DHX57: variants seen among roughly 807,000 people sequenced by gnomAD.
DHX57 encodes the protein putative ATP-dependent RNA helicase DHX57.
DHX57 carries 105 observed loss-of-function variants against 156.2 expected under a neutral mutation model. That is an observed-to-expected ratio of 0.67 (90% CI 0.57 to 0.79). DHX57 has a LOEUF of 0.79. Ranked by LOEUF, DHX57 falls within the 30% of genes least tolerant of loss-of-function variation. The pLI is 0.00. For synonymous variants in DHX57, 704 were observed against 595.6 expected (o/e 1.18, Z -2.65); for missense variants, 1,847 against 1,661.9 (o/e 1.11, Z -1.94).
In DHX57 at chr2:38,819,085, T is replaced by G; in HGVS notation, c.3351A>C (p.Ala1117=). The change falls in exon 18 of 24, where the codon GCA becomes GCC. Residue 1117 remains alanine, a synonymous_variant. Transcript: ENST00000457308. The part of the protein sequence containing the change: ...ANQKKLEFAF[A]NSDYLALLQA... The stretch of plus-strand genomic sequence containing the variant: ...GTAGAAGGGCCAGATAATCACTGTT[T>G]GCGAATGCAAATTCCAGCTTTTTCT... The G allele has an allele frequency of 2.5e-6, 4 of 1,614,238 alleles. No individual in the cohort carries two copies. The highest frequency in any genetic ancestry group is 8.5e-7 in the Non-Finnish European group (1 of 1,180,032).
rs1251806938 is a variant in DHX57, at chr2:38,826,594, G to A, written c.2735C>T (p.Ser912Phe). 1.9e-6 allele frequency: 3 copies of A among 1,614,132 alleles called. No homozygotes were observed. The highest frequency in any genetic ancestry group is 2.5e-6 in the Non-Finnish European group (3 of 1,180,018). The change falls in exon 15 of 24, where the codon TCC becomes TTC. Residue 912 changes from serine to phenylalanine, a missense_variant. Ser to Phe is a radical substitution (Grantham distance 155, BLOSUM62 -2). Coordinates refer to ENST00000457308, the MANE Select transcript of DHX57 (RefSeq NM_198963.3). ...TATGGATGTCTCAGCAATGTTGGTG[G>A]AAATTATAATCTTAGTTACTCCTGC... ...PPAGVTKIII[S>F]TNIAETSITI...
chr2:38,870,040 C>T (rs1328234907), intron 1 of DHX57, among the ~76,000 whole-genome samples: 1 of 152,122 alleles, frequency 6.6e-6, no homozygotes, highest in African/African-American at 2.4e-5. Context: ...AATGGGAATT[C>T]TGGAGTTGAA....
chr2:38,810,638 C>G, intron 21 of DHX57: 1 of 658,728 alleles, frequency 1.5e-6, no homozygotes, highest in Non-Finnish European at 2.8e-6. Flanking sequence ...TGCACTTTCC[C>G]TTCCACTCGG....
chr2:38,809,395 G>A (rs185210339), intron 21 of DHX57, among the ~76,000 whole-genome samples: 44 of 151,396 alleles, frequency 2.9e-4, no homozygotes, highest in Admixed American at 5.3e-4. Context: ...AAAGTGCCAC[G>A]AGCCACTATG....
chr2:38,818,821 C>G, intron 19 of DHX57, 56 bp downstream of exon 19: 3 of 1,581,662 alleles, frequency 1.9e-6, no homozygotes, highest in South Asian at 1.1e-5. Context: ...GTCGCAGCAC[C>G]CTCTGGTGAG....
rs867377189 is a variant in DHX57, at chr2:38,873,081, A to G, written c.-7+2706T>C. 4.3e-4 allele frequency among the ~76,000 whole-genome samples: 66 copies of G among 151,990 alleles called. 1 individual carries two copies. Among genetic ancestry groups the G allele is most frequent in the South Asian group, 1.5e-3 (7 of 4,798 alleles). On this transcript the variant is annotated intron_variant, in intron 1 of 23. Transcript: ENST00000457308. ...TGGCTCACAGCAACCTCCGCCTCCCAGGTTCAAGCGATTCTCCTGCCTCAG... is the reference window on the plus strand; with the variant it reads ...TGGCTCACAGCAACCTCCGCCTCCCGGGTTCAAGCGATTCTCCTGCCTCAG...
At chr2:38,803,454 C>T (rs1276564170) in intron 22 of DHX57, among the ~76,000 whole-genome samples, 1 of 151,806 alleles carries the variant, frequency 6.6e-6, no homozygotes, top group Admixed American at 6.6e-5. Context: ...TTACAAAATG[C>T]CTTGACATAT....
At chr2:38,866,942 T>C (rs754125424) in intron 2 of DHX57, among the ~76,000 whole-genome samples, 2 of 152,208 alleles carry the variant, frequency 1.3e-5, no homozygotes, top group African/African-American at 2.4e-5. Flanking sequence ...TCCCTAGGCC[T>C]TCACATTCAC....
intron 8 of DHX57, 42 bp from the exon 9 acceptor site, chr2:38,854,220 C>CA (rs773146037): frequency 1.3e-6 from 2 of 1,578,896 alleles, no homozygotes; most frequent in Non-Finnish European, 1.7e-6. Context: ...ATAAAATTTT[C>CA]AAAAAAAGGA....
chr2:38,798,327 G>A lies in DHX57; in HGVS notation c.4133C>T (p.Thr1378Ile). The A allele has an allele frequency of 1.2e-6, 2 of 1,613,808 alleles. No individual in the cohort carries two copies. The highest frequency in any genetic ancestry group is 1.7e-6 in the Non-Finnish European group (2 of 1,179,930). The stretch of plus-strand genomic sequence containing the variant: ...TTGTGTGGTGACAAGTTTCACAATT[G>A]TGCTGATGATCCGGGATCCTCGAGG... ...TCPRGSRIIS[T>I]IVKLVTTQ Residue 1378 changes from threonine (T) to isoleucine (I), a missense_variant, in exon 24 of 24, where the codon ACA becomes ATA. By Grantham distance (89) the Thr-to-Ile change is moderately conservative. Transcript: ENST00000457308.
chr2:38,819,767 C>G (rs1166696812), intron 17 of DHX57, among the ~76,000 whole-genome samples: 1 of 152,194 alleles, frequency 6.6e-6, no homozygotes, highest in East Asian at 1.9e-4. Flanking sequence ...CTTTATTTTA[C>G]AGATTCTTAT....
At chr2:38,815,945 T>C (rs1670524833) in intron 19 of DHX57, 1 of 426,662 alleles carries the variant, frequency 2.3e-6, no homozygotes, top group African/African-American at 2.0e-5. Flanking sequence ...TCTCATTGGA[T>C]TTTGGGTAGG....
chr2:38,810,386 G>C (rs1046387484), intron 21 of DHX57: 2 of 496,742 alleles, frequency 4.0e-6, no homozygotes, highest in Non-Finnish European at 7.9e-6. Flanking sequence ...GCCTGTACTT[G>C]GGGAATCTGC....
rs754635410 is a variant in DHX57, at chr2:38,854,995, A to C, written c.1905+62T>G. ...TTGCCCATGAATCTCCTAACCCCCAAAACTTTTTATACCTAAAAACCATAA... is the reference window on the plus strand; with the variant it reads ...TTGCCCATGAATCTCCTAACCCCCACAACTTTTTATACCTAAAAACCATAA... On this transcript the variant is annotated intron_variant, in intron 8 of 23. Transcript: ENST00000457308. 3 of 1,604,382 alleles carry C rather than the reference A, an allele frequency of 1.9e-6. No individual in the cohort carries two copies. In the Admixed American group the frequency reaches 5.0e-5, roughly 27 times the overall value.
intron 11 of DHX57, among the ~76,000 whole-genome samples, chr2:38,844,275 T>C (rs996717576): frequency 2.0e-5 from 3 of 152,186 alleles, no homozygotes; most frequent in African/African-American, 7.2e-5. Flanking sequence ...CAACACACTA[T>C]ACTGTAAGAC....
chr2:38,812,197 T>C (rs908812046), intron 21 of DHX57, among the ~76,000 whole-genome samples: 1 of 152,202 alleles, frequency 6.6e-6, no homozygotes, highest in African/African-American at 2.4e-5. Flanking sequence ...GAGTATAATA[T>C]AAAAACCAGT....
intron 23 of DHX57, among the ~76,000 whole-genome samples, chr2:38,801,452 C>G (rs553278267): frequency 6.6e-6 from 1 of 152,330 alleles, no homozygotes; most frequent in Non-Finnish European, 1.5e-5. Context: ...TTCTGTCACC[C>G]AGGCTGAAGT....
At chr2:38,826,474 G>A in intron 15 of DHX57, 42 bp downstream of exon 15, 11 of 1,596,246 alleles carry the variant, frequency 6.9e-6, no homozygotes, top group Non-Finnish European at 9.4e-6. Flanking sequence ...CCTAAATGAA[G>A]CATTTTTAGC....
At chr2:38,841,202 A>G (rs1671974245) in intron 12 of DHX57, among the ~76,000 whole-genome samples, 1 of 152,226 alleles carries the variant, frequency 6.6e-6, no homozygotes, top group Non-Finnish European at 1.5e-5. Context: ...CAAAAAGCAC[A>G]CAAATTTTTT....
Sources: gnomAD v4.1 joint callset for allele counts (sites outside exome capture counted in the v4.1 genomes callset) on GRCh38, gnomAD v4.1.1 for gene constraint, MANE v1.5 for transcripts, NCBI Gene and HGNC (gene_info 2026-07-23, HGNC 2026-07-21) for gene names.